The following ENTPD3 variants were observed in gnomAD, a reference collection of about 807,000 sequenced individuals.
The protein encoded by ENTPD3 is CD39 antigen-like 3.
ENTPD3 carries 60 observed loss-of-function variants against 51.2 expected under a neutral mutation model. The ratio of observed to expected loss-of-function variants is 1.17; its 90% CI spans 0.95 to 1.45. The LOEUF (loss-of-function observed/expected upper bound fraction) is 1.45, where lower values mean the gene tolerates loss of function less well. Ranked by LOEUF, ENTPD3 falls within the 40% of genes most tolerant of loss-of-function variation. ENTPD3 has a pLI of 0.00. For missense variants in ENTPD3, 593 were observed against 641.1 expected (o/e 0.93, Z 0.81); for synonymous variants, 221 against 238.4 (o/e 0.93, Z 0.67).
At position 40,423,029 on chromosome 3, in the gene ENTPD3, G is replaced by A; in HGVS notation, c.1011G>A (p.Lys337=). Residue 337 remains lysine (K), a synonymous_variant, in exon 8 of 11, where the codon AAG becomes AAA. Coordinates refer to ENST00000301825, the MANE Select transcript of ENTPD3 (RefSeq NM_001248.4). ...GGGACCCATCTCTGTGTAAGGAGAA[G>A]GTGGCTTCCATATTTGACTTCAAAG... is the stretch of plus-strand genomic sequence containing the variant. The part of the protein sequence containing the change: ...GTGDPSLCKE[K]VASIFDFKAC... The A allele has an allele frequency of 6.2e-7, 1 of 1,614,060 alleles. No homozygotes were observed. Among genetic ancestry groups the A allele is most frequent in the Non-Finnish European group, 8.5e-7 (1 of 1,179,994 alleles).
chr3:40,392,668 G>C (rs906513539), intron 3 of ENTPD3: 2 of 152,590 alleles, frequency 1.3e-5, no homozygotes, highest in African/African-American at 4.8e-5. Flanking sequence ...AATGAGTAAA[G>C]ACCGAGGCTG....
intron 3 of ENTPD3, among the ~76,000 whole-genome samples, chr3:40,394,822 C>A (rs2125589505): frequency 6.6e-6 from 1 of 152,304 alleles, no homozygotes; most frequent in East Asian, 1.9e-4. Context: ...CCTAGTACCA[C>A]CCTTAGACCC....
In ENTPD3 at chr3:40,427,645, A is replaced by C; in HGVS notation, c.*137A>C. On this transcript the variant is annotated 3_prime_UTR_variant, in exon 11 of 11. Transcript: ENST00000301825. ...CACCTAGGTCACGTGCCTCTCAAAT[A>C]CTGATTTCTGCCACAGCACCTCTTG... is the stretch of plus-strand genomic sequence containing the variant. 1 of 667,050 alleles carries C rather than the reference A, an allele frequency of 1.5e-6. No individual in the cohort carries two copies. The highest frequency in any genetic ancestry group is 2.6e-6 in the Non-Finnish European group (1 of 378,096). The allele number at this position is 667,050 out of a possible 1,614,324, so 41.3% of individuals were successfully genotyped here. A position where few individuals can be genotyped will look rare whatever the true frequency, so the allele number is the denominator to read the frequency against.
intron 3 of ENTPD3, among the ~76,000 whole-genome samples, chr3:40,396,397 G>A (rs1207388008): frequency 2.0e-5 from 3 of 152,146 alleles, no homozygotes; most frequent in Admixed American, 6.5e-5. Context: ...CATGAGCCCT[G>A]TTTTGCTTTC....
intron 1 of ENTPD3, 47 bp from the exon 2 acceptor site, chr3:40,387,999 G>T: frequency 6.6e-7 from 1 of 1,509,272 alleles, no homozygotes; most frequent in Non-Finnish European, 9.2e-7. Context: ...AAACTTGTGA[G>T]GCCGGGGCGG....
chr3:40,399,799 T>C (rs1460501168), intron 3 of ENTPD3, among the ~76,000 whole-genome samples: 1 of 152,168 alleles, frequency 6.6e-6, no homozygotes, highest in East Asian at 1.9e-4. Context: ...TCCAGGACTC[T>C]CAGCCTACTC....
intron 4 of ENTPD3, among the ~76,000 whole-genome samples, chr3:40,410,312 G>A (rs752181431): frequency 2.4e-4 from 37 of 151,816 alleles, no homozygotes; most frequent in Non-Finnish European, 4.4e-4. Context: ...ACGGTGGCAC[G>A]TGCCTGTAAT....
rs1956017956 is a variant in ENTPD3, at chr3:40,428,247, T to C, written c.*739T>C. The stretch of plus-strand genomic sequence containing the variant: ...CCTCCCATAAAAACACATTGATCCC[T>C]AGCAAGATTATTGCATTCCAGATTT... On this transcript the variant is annotated 3_prime_UTR_variant, in exon 11 of 11. Coordinates refer to ENST00000301825, the MANE Select transcript of ENTPD3 (RefSeq NM_001248.4). 2 of 152,216 alleles carry C rather than the reference T, an allele frequency of 1.3e-5. No individual in the cohort carries two copies. 9.4% of individuals were successfully genotyped at this position (152,216 alleles called of 1,614,324 possible).
chr3:40,423,523 AAAGG>A (rs574532723), intron 9 of ENTPD3, 122 bp downstream of exon 9: 2 of 791,104 alleles, frequency 2.5e-6, no homozygotes, highest in South Asian at 3.6e-5. Context: ...CTGTAAAATA[AAAGG>A]AATAAGGGAA....
chr3:40,411,108 T>G (rs1204531986), intron 4 of ENTPD3, among the ~76,000 whole-genome samples: 1 of 151,942 alleles, frequency 6.6e-6, no homozygotes, highest in Non-Finnish European at 1.5e-5. Flanking sequence ...CTGGACAACA[T>G]GGTGAAACCG....
At position 40,427,704 on chromosome 3, in the gene ENTPD3, T is replaced by C. The variant is rs1003900114; in HGVS notation, c.*196T>C. 5.6e-5 allele frequency: 33 copies of C among 587,948 alleles called. No individual in the cohort carries two copies. Among genetic ancestry groups the C allele is most frequent in the Middle Eastern group, 9.1e-4 (2 of 2,188 alleles). 36.4% of individuals were successfully genotyped at this position (587,948 alleles called of 1,614,324 possible). ...CTTGGCTATTCTGTGCATATTGTTC[T>C]TCAGAGACCTCACTACCCACATGCT... is the stretch of plus-strand genomic sequence containing the variant. On this transcript the variant is annotated 3_prime_UTR_variant, in exon 11 of 11. Transcript: ENST00000301825.
intron 2 of ENTPD3, chr3:40,390,929 A>G (rs1400410289): frequency 2.0e-5 from 3 of 152,120 alleles, no homozygotes; most frequent in African/African-American, 7.2e-5. Flanking sequence ...AATAAATGAA[A>G]TCATTTCAGT....
At chr3:40,389,325 G>T (rs1297025150) in intron 2 of ENTPD3, among the ~76,000 whole-genome samples, 2 of 151,598 alleles carry the variant, frequency 1.3e-5, no homozygotes, top group Non-Finnish European at 2.9e-5. Context: ...GGATTAACTG[G>T]TTCCTGTACT....
At chr3:40,396,293 ATC>A (rs1955198340) in intron 3 of ENTPD3, among the ~76,000 whole-genome samples, 1 of 152,130 alleles carries the variant, frequency 6.6e-6, no homozygotes, top group Non-Finnish European at 1.5e-5. Flanking sequence ...ATATGGAGAG[ATC>A]TCTCTTTTTT....
At chr3:40,407,331 C>T (rs1419729003) in intron 4 of ENTPD3, among the ~76,000 whole-genome samples, 2 of 151,508 alleles carry the variant, frequency 1.3e-5, no homozygotes, top group East Asian at 3.9e-4. Flanking sequence ...GATGAATTAG[C>T]ATGTTTGCAT....
chr3:40,387,549 C>T (rs909222172), intron 1 of ENTPD3, among the ~76,000 whole-genome samples: 2 of 152,148 alleles, frequency 1.3e-5, no homozygotes, highest in Admixed American at 1.3e-4. Flanking sequence ...GACCCCAGAT[C>T]CTGGTGGGGG....
intron 5 of ENTPD3, 58 bp downstream of exon 5, chr3:40,412,020 A>C (rs1575224062): frequency 6.8e-7 from 1 of 1,478,132 alleles, no homozygotes; most frequent in East Asian, 2.6e-5. Context: ...GAATATGTTG[A>C]ATCTTGCCAA....
chr3:40,424,694 G>A, intron 10 of ENTPD3: 1 of 698,634 alleles, frequency 1.4e-6, no homozygotes, highest in Non-Finnish European at 2.6e-6. Flanking sequence ...TTGTTTTTAG[G>A]CAGGGCTAAG....
chr3:40,427,214 A>T (rs1956002328), intron 10 of ENTPD3, 58 bp from the exon 11 acceptor site: 2 of 1,355,454 alleles, frequency 1.5e-6, no homozygotes, highest in Non-Finnish European at 2.1e-6. Flanking sequence ...TGACTCCGGT[A>T]TGTGATTGCA....
Sources: allele counts gnomAD v4.1 joint callset (sites outside exome capture counted in the v4.1 genomes callset), GRCh38; gene constraint gnomAD v4.1.1; transcripts MANE v1.5; gene names NCBI Gene and HGNC (gene_info 2026-07-23, HGNC 2026-07-21).